CACNA2D2: variants seen among roughly 807,000 people sequenced by gnomAD.
CACNA2D2 encodes calcium voltage-gated channel auxiliary subunit alpha2delta 2.
CACNA2D2 carries 48 observed loss-of-function variants against 166.4 expected under a neutral mutation model. That is an observed-to-expected ratio of 0.29 (90% CI 0.23 to 0.37). CACNA2D2 has a LOEUF of 0.37. Among genes scored for constraint, CACNA2D2 ranks in the 10% least tolerant of loss-of-function variants. CACNA2D2 has a pLI of 1.00. For missense variants in CACNA2D2, 1,122 were observed against 1,433.0 expected (o/e 0.78, Z 3.50); for synonymous variants, 561 against 573.7 (o/e 0.98, Z 0.32).
chr3:50,392,937 G>A (rs1453901538), intron 4 of CACNA2D2, among the ~76,000 whole-genome samples: 1 of 152,176 alleles, frequency 6.6e-6, no homozygotes, highest in Non-Finnish European at 1.5e-5. Context: ...CCAATCTCAT[G>A]TGAACTCCCT....
chr3:50,395,589 T>TA (rs1196779353), intron 3 of CACNA2D2, among the ~76,000 whole-genome samples: 1 of 152,208 alleles, frequency 6.6e-6, no homozygotes, highest in African/African-American at 2.4e-5. Flanking sequence ...CCAGGCCTGA[T>TA]ATGGCATGTG....
At chr3:50,421,385 T>G (rs1198506069) in intron 3 of CACNA2D2, among the ~76,000 whole-genome samples, 2 of 152,116 alleles carry the variant, frequency 1.3e-5, no homozygotes, top group African/African-American at 2.4e-5. Context: ...GACTGGTGCT[T>G]CTGGTGCAAC....
intron 2 of CACNA2D2, among the ~76,000 whole-genome samples, chr3:50,437,760 G>A (rs1376835602): frequency 6.6e-6 from 1 of 152,122 alleles, no homozygotes; most frequent in Admixed American, 6.5e-5. Flanking sequence ...CACAGACTCT[G>A]CCCAAGACTA....
At chr3:50,371,713 G>C (rs1704663041) in intron 22 of CACNA2D2, among the ~76,000 whole-genome samples, 1 of 152,162 alleles carries the variant, frequency 6.6e-6, no homozygotes, top group Admixed American at 6.5e-5. Context: ...CTTTCTGATA[G>C]GACTGTGAGG....
chr3:50,367,923 TG>T lies in CACNA2D2; in HGVS notation c.2144-22del. On this transcript the variant is annotated intron_variant, in intron 24 of 37. Coordinates refer to ENST00000424201, the MANE Select transcript of CACNA2D2 (RefSeq NM_006030.4). This position sits in a 1 kb window ranked among gnomAD's most constrained non-coding sequence, Gnocchi z 6.5. Reference sequence around the variant, plus strand: ...GTTGCCTGGAACAGGAGGGGAGGGGTGGGGGTGGGGGCATCTTCTTGCAGCT... The same window carrying T: ...GTTGCCTGGAACAGGAGGGGAGGGGTGGGGTGGGGGCATCTTCTTGCAGCT... 1 of 222,404 alleles carries T rather than the reference TG, an allele frequency of 4.5e-6. No homozygotes were observed. Among genetic ancestry groups the T allele is most frequent in the Non-Finnish European group, 9.0e-6 (1 of 111,462 alleles). 13.8% of individuals were successfully genotyped at this position (222,404 alleles called of 1,614,324 possible).
chr3:50,490,101 T>G (rs911084037), intron 1 of CACNA2D2, among the ~76,000 whole-genome samples: 1 of 151,998 alleles, frequency 6.6e-6, no homozygotes, highest in Non-Finnish European at 1.5e-5. Context: ...GCAGGGCAGA[T>G]GGGGCATGGG....
intron 2 of CACNA2D2, among the ~76,000 whole-genome samples, chr3:50,466,701 G>A (rs931777598): frequency 4.6e-5 from 7 of 152,338 alleles, no homozygotes; most frequent in East Asian, 1.9e-4. Flanking sequence ...AGTGGATCAC[G>A]GGACCAAGAA....
intron 3 of CACNA2D2, among the ~76,000 whole-genome samples, chr3:50,407,115 C>T (rs1706750851): frequency 6.6e-6 from 1 of 151,884 alleles, no homozygotes; most frequent in South Asian, 2.1e-4. Context: ...ACTAAACACA[C>T]CACAGGCAGG....
intron 3 of CACNA2D2, among the ~76,000 whole-genome samples, chr3:50,405,673 G>A (rs997827391): frequency 4.6e-5 from 7 of 152,034 alleles, no homozygotes; most frequent in Admixed American, 3.9e-4. Context: ...ACCACAGGCA[G>A]GGCCTGCCTT....
intron 2 of CACNA2D2, among the ~76,000 whole-genome samples, chr3:50,441,108 C>T (rs1225527244): frequency 6.6e-6 from 1 of 151,944 alleles, no homozygotes; most frequent in Admixed American, 6.5e-5. Flanking sequence ...AGCAGATACC[C>T]AGGTGGTGGG....
intron 2 of CACNA2D2, 133 bp from the exon 3 acceptor site, chr3:50,434,562 A>C (rs1708221941): frequency 1.4e-6 from 1 of 706,044 alleles, no homozygotes; most frequent in Non-Finnish European, 2.5e-6. Context: ...TTGGCCTCTG[A>C]GAGAGGGCAT....
intron 2 of CACNA2D2, among the ~76,000 whole-genome samples, chr3:50,454,247 G>T (rs929370001): frequency 2.0e-5 from 3 of 152,224 alleles, no homozygotes; most frequent in African/African-American, 7.2e-5. Flanking sequence ...AGTCCAGGAG[G>T]CCTCAGGAAA....
At chr3:50,381,951 CGT>C (rs1330064854) in intron 6 of CACNA2D2, among the ~76,000 whole-genome samples, 2 of 149,784 alleles carry the variant, frequency 1.3e-5, no homozygotes, top group Non-Finnish European at 3.0e-5. Flanking sequence ...TGTAGTTGCA[CGT>C]GTGTGATCCC....
At chr3:50,378,686 A>G (rs912139680) in intron 13 of CACNA2D2, among the ~76,000 whole-genome samples, 1 of 152,232 alleles carries the variant, frequency 6.6e-6, no homozygotes, top group Non-Finnish European at 1.5e-5. Context: ...GGAGTAGACA[A>G]GCTGGGGGAC....
chr3:50,393,074 T>C (rs1369408134), intron 4 of CACNA2D2, among the ~76,000 whole-genome samples: 1 of 152,078 alleles, frequency 6.6e-6, no homozygotes, highest in Non-Finnish European at 1.5e-5. Context: ...GCTTGGAGCA[T>C]AGGCATGAGC....
intron 3 of CACNA2D2, among the ~76,000 whole-genome samples, chr3:50,407,552 C>T (rs1045347687): frequency 6.6e-6 from 1 of 152,300 alleles, no homozygotes; most frequent in South Asian, 2.1e-4. Flanking sequence ...TGGGACTGGG[C>T]AGACAGTGAC....
intron 6 of CACNA2D2, among the ~76,000 whole-genome samples, chr3:50,382,374 A>G (rs1559894547): frequency 6.6e-6 from 1 of 152,202 alleles, no homozygotes; most frequent in African/African-American, 2.4e-5. Context: ...AGACAAAGGT[A>G]GAAAGCATGA....
At chr3:50,409,858 G>A (rs561533595) in intron 3 of CACNA2D2, among the ~76,000 whole-genome samples, 21 of 152,316 alleles carry the variant, frequency 1.4e-4, no homozygotes, top group African/African-American at 4.3e-4. Flanking sequence ...TGGACCCAGC[G>A]GGCACGAGGA....
chr3:50,365,559 A>G lies in CACNA2D2; in HGVS notation c.2971+74T>C. Reference sequence around the variant, plus strand: ...CCGGCCTCCCTCAGTCGTAGACCCCACCCTCCCCATGGAGTCGTCTTAGCT... The same window carrying G: ...CCGGCCTCCCTCAGTCGTAGACCCCGCCCTCCCCATGGAGTCGTCTTAGCT... On this transcript the variant is annotated intron_variant, in intron 34 of 37. Transcript: ENST00000424201. The surrounding 1 kb of genome is among the most constrained non-coding windows in gnomAD (Gnocchi z 4.5). The G allele has an allele frequency of 6.3e-7, 1 of 1,586,410 alleles. No homozygotes were observed. Among genetic ancestry groups the G allele is most frequent in the Non-Finnish European group, 8.6e-7 (1 of 1,165,828 alleles).
Sources: gnomAD v4.1 joint callset for allele counts (sites outside exome capture counted in the v4.1 genomes callset) on GRCh38, gnomAD v4.1.1 for gene constraint, Gnocchi (gnomAD v3.1) non-coding constraint, MANE v1.5 for transcripts, NCBI Gene and HGNC (gene_info 2026-07-23, HGNC 2026-07-21) for gene names.